The following TBC1D19 variants were observed in gnomAD, a reference collection of about 807,000 sequenced individuals.
TBC1D19 encodes the protein TBC1 domain family, member 19.
A neutral mutation model predicts 89.0 loss-of-function variants in TBC1D19; 60 were observed. The ratio of observed to expected loss-of-function variants is 0.67; its 90% CI spans 0.55 to 0.84. The LOEUF is 0.84. Ranked by LOEUF, TBC1D19 falls within the 40% of genes least tolerant of loss-of-function variation. The probability of loss-of-function intolerance (pLI) is 0.00; values close to 1 mark genes in which losing one functional copy is unlikely to be tolerated. For missense variants in TBC1D19, 500 were observed against 610.8 expected (o/e 0.82, Z 1.91); for synonymous variants, 189 against 199.7 (o/e 0.95, Z 0.45).
At chr4:26,591,374 T>G (rs1739793135) in intron 1 of TBC1D19, among the ~76,000 whole-genome samples, 1 of 152,102 alleles carries the variant, frequency 6.6e-6, no homozygotes, top group Non-Finnish European at 1.5e-5. Context: ...ATCGCACCAC[T>G]GTGGAACAGG....
chr4:26,714,568 CA>C (rs1353392909), intron 13 of TBC1D19, among the ~76,000 whole-genome samples: 1 of 152,016 alleles, frequency 6.6e-6, no homozygotes, highest in Admixed American at 6.6e-5. Context: ...TCACCAGTGG[CA>C]AATTCAGCAT....
intron 17 of TBC1D19, among the ~76,000 whole-genome samples, chr4:26,742,238 A>G (rs1354073107): frequency 6.6e-6 from 1 of 152,218 alleles, no homozygotes; most frequent in Non-Finnish European, 1.5e-5. Context: ...CTCTCCAAAT[A>G]TTATATACTG....
At chr4:26,685,206 T>C (rs966750372) in intron 12 of TBC1D19, among the ~76,000 whole-genome samples, 13 of 152,230 alleles carry the variant, frequency 8.5e-5, no homozygotes, top group African/African-American at 3.1e-4. Context: ...CTGGGGCTAC[T>C]GTTAAGGTGT....
At chr4:26,847,987 T>A in the TBC1D19 span, among the ~76,000 whole-genome samples, 15 of 152,316 alleles carry the variant, frequency 9.8e-5, no homozygotes, top group South Asian at 2.1e-4. Context: ...TGCATCCAAG[T>A]GGAACTATCA....
At chr4:26,857,126 T>C in the TBC1D19 span, among the ~76,000 whole-genome samples, 1 of 152,248 alleles carries the variant, frequency 6.6e-6, no homozygotes, top group African/African-American at 2.4e-5. Flanking sequence ...ACGGTGTCAC[T>C]TCTATTCCTA....
the TBC1D19 span, among the ~76,000 whole-genome samples, chr4:26,781,381 T>C: frequency 6.6e-6 from 1 of 152,310 alleles, no homozygotes; most frequent in Non-Finnish European, 1.5e-5. Context: ...ACCTTGGATG[T>C]CAGTTCTCTC....
chr4:26,774,771 T>C, the TBC1D19 span, among the ~76,000 whole-genome samples: 9 of 152,210 alleles, frequency 5.9e-5, no homozygotes, highest in Non-Finnish European at 8.8e-5. Flanking sequence ...TCCTTTCCCA[T>C]ATCAATATCT....
At chr4:26,720,054 G>A in intron 14 of TBC1D19, 27 bp from the exon 15 acceptor site, 1 of 1,550,614 alleles carries the variant, frequency 6.4e-7, no homozygotes, top group Non-Finnish European at 8.7e-7. Context: ...TAATCATATT[G>A]AAATCCTCTA....
chr4:26,805,882 C>A, the TBC1D19 span, among the ~76,000 whole-genome samples: 1 of 152,046 alleles, frequency 6.6e-6, no homozygotes, highest in Non-Finnish European at 1.5e-5. Flanking sequence ...GCAGGAAAAT[C>A]GGTTGAACCT....
At chr4:26,647,205 G>A (rs910869651) in intron 7 of TBC1D19, among the ~76,000 whole-genome samples, 3 of 152,158 alleles carry the variant, frequency 2.0e-5, no homozygotes, top group African/African-American at 7.2e-5. Flanking sequence ...TATCTAGGTT[G>A]TGTAATTGGC....
At chr4:26,796,660 C>G in the TBC1D19 span, among the ~76,000 whole-genome samples, 1 of 152,252 alleles carries the variant, frequency 6.6e-6, no homozygotes, top group Middle Eastern at 3.4e-3. Flanking sequence ...GACTACACCA[C>G]TGCACTCCAG....
At chr4:26,624,372 C>CT (rs11315141) in intron 4 of TBC1D19, among the ~76,000 whole-genome samples, 5 of 151,282 alleles carry the variant, frequency 3.3e-5, no homozygotes, top group African/African-American at 7.3e-5. Context: ...ATAGTAATTG[C>CT]TTTTTTTTTA....
chr4:26,779,388 G>A, the TBC1D19 span, among the ~76,000 whole-genome samples: 3 of 152,234 alleles, frequency 2.0e-5, no homozygotes, highest in Non-Finnish European at 4.4e-5. Flanking sequence ...CTGGTGCTGG[G>A]CAGACCCACC....
Position 26,673,871 on chromosome 4 carries a change from A to G in TBC1D19, c.799A>G (p.Ile267Val). The change falls in exon 11 of 21, where the codon ATT becomes GTT. Residue 267 changes from isoleucine to valine, a missense_variant. This residue lies in a region of TBC1D19 where 220 missense variants were observed against 319.1 expected (regional missense o/e 0.69). Transcript: ENST00000264866. The stretch of plus-strand genomic sequence containing the variant: ...TGAATTGTGGGCTCTCATTTTGAAT[A>G]TTTCCAGCCAACCTGAGGTAAGAAG... ...RAELWALILN[I>V]SSQPEDVLYY... 1 of 1,599,736 alleles carries G rather than the reference A, an allele frequency of 6.3e-7. No individual in the cohort carries two copies. Among genetic ancestry groups the G allele is most frequent in the Non-Finnish European group, 8.5e-7 (1 of 1,171,802 alleles).
chr4:26,592,097 C>T (rs1002831034), intron 1 of TBC1D19, among the ~76,000 whole-genome samples: 1 of 152,184 alleles, frequency 6.6e-6, no homozygotes, highest in African/African-American at 2.4e-5. Context: ...CAATAAAATA[C>T]TGGCAAACCG....
At chr4:26,790,215 C>G in the TBC1D19 span, among the ~76,000 whole-genome samples, 1 of 152,122 alleles carries the variant, frequency 6.6e-6, no homozygotes, top group Non-Finnish European at 1.5e-5. Flanking sequence ...TCCGTACTCT[C>G]TCTTATTCTA....
At chr4:26,652,107 C>T (rs953120180) in intron 7 of TBC1D19, among the ~76,000 whole-genome samples, 35 of 151,838 alleles carry the variant, frequency 2.3e-4, no homozygotes, top group African/African-American at 7.3e-4. Context: ...CTGCTGGATT[C>T]GGTTTGCCAG....
the TBC1D19 span, among the ~76,000 whole-genome samples, chr4:26,797,461 A>G: frequency 0.1 from 15,326 of 152,284 alleles, 982 homozygotes; most frequent in South Asian, 0.18. Context: ...TAAAATGACT[A>G]TACTGCCCAA....
At chr4:26,710,206 A>G (rs1254492228) in intron 13 of TBC1D19, among the ~76,000 whole-genome samples, 1 of 150,626 alleles carries the variant, frequency 6.6e-6, no homozygotes, top group Non-Finnish European at 1.5e-5. Flanking sequence ...AACAGTCCCC[A>G]GTGTGTGATG....
Sources: gnomAD v4.1 joint callset for allele counts (sites outside exome capture counted in the v4.1 genomes callset) on GRCh38, gnomAD v4.1.1 for gene constraint, gnomAD v4.1.1 regional missense constraint, MANE v1.5 for transcripts, NCBI Gene and HGNC (gene_info 2026-07-23, HGNC 2026-07-21) for gene names.